SLC36A1: variants seen among roughly 807,000 people sequenced by gnomAD.
SLC36A1 encodes the protein solute carrier family 36 member 1, also known as proton-coupled amino acid transporter 1.
SLC36A1 carries 30 observed loss-of-function variants against 47.5 expected under a neutral mutation model. The observed-to-expected ratio is 0.63, with a 90% CI of 0.47 to 0.86. The LOEUF is 0.86. SLC36A1 is among the 40% of genes least tolerant of loss of function. The probability of loss-of-function intolerance (pLI) is 0.00; values close to 1 mark genes in which losing one functional copy is unlikely to be tolerated. For missense variants in SLC36A1, 517 were observed against 606.0 expected (o/e 0.85, Z 1.54); for synonymous variants, 255 against 249.7 (o/e 1.02, Z -0.20).
the SLC36A1 span, chr5:151,382,081 A>G: frequency 1.3e-6 from 1 of 776,496 alleles, no homozygotes; most frequent in Non-Finnish European, 2.2e-6. Flanking sequence ...GTAACCCCCA[A>G]AGAGAGCCTA....
At chr5:151,363,150 A>G in the SLC36A1 span, among the ~76,000 whole-genome samples, 6 of 152,144 alleles carry the variant, frequency 3.9e-5, no homozygotes, top group Non-Finnish European at 1.5e-5. Flanking sequence ...TTGGCACTGG[A>G]TGACACATTA....
At chr5:151,554,740 C>T in the SLC36A1 span, 1 of 1,234,326 alleles carries the variant, frequency 8.1e-7, no homozygotes, top group Non-Finnish European at 1.1e-6. Context: ...GCTTTAACAA[C>T]CTGGAAATAG....
At chr5:151,487,831 C>G (rs1436085381) in intron 10 of SLC36A1, 152 bp from the exon 11 acceptor site, 1 of 926,636 alleles carries the variant, frequency 1.1e-6, no homozygotes, top group Non-Finnish European at 1.6e-6. Flanking sequence ...TTCTGGGCAT[C>G]TATTTCACAG....
At chr5:151,399,065 A>AATAT in the SLC36A1 span, among the ~76,000 whole-genome samples, 108 of 66,604 alleles carry the variant, frequency 1.6e-3, 2 homozygotes, top group African/African-American at 6.8e-3. Flanking sequence ...TGTGTGTGTA[A>AATAT]ATATATATAT....
At chr5:151,521,784 C>T in the SLC36A1 span, 2 of 1,614,164 alleles carry the variant, frequency 1.2e-6, no homozygotes, top group South Asian at 2.2e-5. Context: ...CATCGCTGAC[C>T]GTGACGTTGA....
At chr5:151,536,691 T>G in the SLC36A1 span, among the ~76,000 whole-genome samples, 1 of 152,244 alleles carries the variant, frequency 6.6e-6, no homozygotes, top group Non-Finnish European at 1.5e-5. Flanking sequence ...ACCCATCCAC[T>G]GAGCCAGACC....
chr5:151,506,132 T>C, the SLC36A1 span: 2 of 1,492,934 alleles, frequency 1.3e-6, no homozygotes, highest in Non-Finnish European at 1.8e-6. Context: ...TGAGCTCATT[T>C]TCTCCCCGGA....
chr5:151,543,417 C>G, the SLC36A1 span: 5 of 1,613,878 alleles, frequency 3.1e-6, no homozygotes, highest in African/African-American at 6.7e-5. Flanking sequence ...TGATCTTCAC[C>G]GTGCAGAAGG....
At chr5:151,457,857 T>TTC (rs1233950962) in intron 1 of SLC36A1, among the ~76,000 whole-genome samples, 1 of 151,382 alleles carries the variant, frequency 6.6e-6, no homozygotes, top group African/African-American at 2.4e-5. Context: ...TTTGTTTGTT[T>TTC]TTTTTTTTGA....
At chr5:151,449,093 C>T (rs1753231815) in intron 1 of SLC36A1, among the ~76,000 whole-genome samples, 1 of 152,144 alleles carries the variant, frequency 6.6e-6, no homozygotes, top group African/African-American at 2.4e-5. Context: ...ATTTTACCCG[C>T]TGTGTACACT....
chr5:151,538,630 G>A, the SLC36A1 span, among the ~76,000 whole-genome samples: 1 of 152,182 alleles, frequency 6.6e-6, no homozygotes, highest in Non-Finnish European at 1.5e-5. Flanking sequence ...TGTTGAGTGT[G>A]GGCAAGCATG....
chr5:151,344,932 G>T, the SLC36A1 span, among the ~76,000 whole-genome samples: 27 of 152,264 alleles, frequency 1.8e-4, no homozygotes, highest in South Asian at 2.1e-3. Flanking sequence ...ATGAGGTCTG[G>T]CGGGGCATAA....
the SLC36A1 span, among the ~76,000 whole-genome samples, chr5:151,520,509 C>T: frequency 6.6e-6 from 1 of 152,204 alleles, no homozygotes; most frequent in South Asian, 2.1e-4. Flanking sequence ...CAGAGTGTGG[C>T]GTACAGCAGG....
At chr5:151,536,223 A>G in the SLC36A1 span, among the ~76,000 whole-genome samples, 2 of 30,400 alleles carry the variant, frequency 6.6e-5, no homozygotes, top group South Asian at 2.2e-3. Flanking sequence ...CATATTCAGA[A>G]AAAAAAACGC....
At chr5:151,347,624 C>T in the SLC36A1 span, 1 of 712,672 alleles carries the variant, frequency 1.4e-6, no homozygotes, top group South Asian at 1.8e-5. Flanking sequence ...CTGGAGGGCA[C>T]CTCTTCCTGC....
the SLC36A1 span, among the ~76,000 whole-genome samples, chr5:151,531,304 G>A: frequency 1.3e-5 from 2 of 152,196 alleles, no homozygotes; most frequent in East Asian, 1.9e-4. This position sits in a 1 kb window ranked among gnomAD's most constrained non-coding sequence, Gnocchi z 5.7. Context: ...CCATGAAGCC[G>A]CTAACTGTGT....
In SLC36A1 at chr5:151,441,827, TA is replaced by T. The variant is rs1297607052; in HGVS notation, c.-6+4650del. On this transcript the variant is annotated intron_variant, in intron 1 of 8. Coordinates refer to the SLC36A1 transcript ENST00000429484. ...CACGTATTTAAAGCATGTAACTTGA[TA>T]AGTTTCAACATATATATTCACCTGT... 2.0e-5 allele frequency among the ~76,000 whole-genome samples: 3 copies of T among 152,296 alleles called. No homozygotes were observed. The East Asian group carries it at 5.8e-4, about 29-fold the overall frequency.
At chr5:151,397,332 G>A in the SLC36A1 span, among the ~76,000 whole-genome samples, 24 of 152,220 alleles carry the variant, frequency 1.6e-4, no homozygotes, top group Non-Finnish European at 2.1e-4. Context: ...AGCGGGGAGC[G>A]GAACAAAAAG....
the SLC36A1 span, chr5:151,527,248 T>C: frequency 1.2e-6 from 2 of 1,610,716 alleles, no homozygotes; most frequent in Non-Finnish European, 1.7e-6. Flanking sequence ...ACAGTGGTGC[T>C]GTAGTTGAGC....
Sources: allele counts gnomAD v4.1 joint callset (sites outside exome capture counted in the v4.1 genomes callset), GRCh38; gene constraint gnomAD v4.1.1; non-coding constraint Gnocchi (gnomAD v3.1); transcripts MANE v1.5; gene names NCBI Gene and HGNC (gene_info 2026-07-23, HGNC 2026-07-21).